Variants in TRERF1 observed in about 807,000 individuals in gnomAD.
TRERF1 encodes transcriptional regulating factor 1.
Under a neutral mutation model 122.9 loss-of-function variants are expected in TRERF1, and 27 were observed. The observed-to-expected ratio is 0.22, with a 90% CI of 0.16 to 0.30. The LOEUF is 0.30. TRERF1 is among the 10% of genes least tolerant of loss of function. The pLI, the probability that TRERF1 is intolerant of heterozygous loss-of-function variation, is 1.00. For synonymous variants in TRERF1, 636 were observed against 641.7 expected (o/e 0.99, Z 0.13); for missense variants, 1,248 against 1,560.3 (o/e 0.80, Z 3.37).
intron 3 of TRERF1, among the ~76,000 whole-genome samples, chr6:42,301,347 A>G (rs1279764761): frequency 6.6e-6 from 1 of 152,158 alleles, no homozygotes. Context: ...CTCCTGCCTC[A>G]GCCTCCCAAG....
At position 42,305,363 on chromosome 6, in the gene TRERF1, C is replaced by T. The variant is rs1054627777; in HGVS notation, c.-370-4614G>A. Among the ~76,000 whole-genome samples the T allele has an allele frequency of 7.2e-5, 11 of 152,316 alleles. No individual in the cohort carries two copies. In the East Asian group the frequency reaches 2.1e-3, roughly 29 times the overall value. On this transcript the variant is annotated intron_variant, in intron 3 of 17. Transcript: ENST00000372922. ...CAAGGCCAGAATCTTCCCACAGCCCCACGCTGCTATCAGAACCTCAGTTTC... is the reference window on the plus strand; with the variant it reads ...CAAGGCCAGAATCTTCCCACAGCCCTACGCTGCTATCAGAACCTCAGTTTC...
intron 3 of TRERF1, among the ~76,000 whole-genome samples, chr6:42,316,581 A>G (rs1432035651): frequency 6.6e-6 from 1 of 152,208 alleles, no homozygotes; most frequent in African/African-American, 2.4e-5. Flanking sequence ...CTCTAGCCTC[A>G]CAAGCCAGCT....
At chr6:42,348,077 G>T (rs1202577599) in intron 3 of TRERF1, among the ~76,000 whole-genome samples, 1 of 152,186 alleles carries the variant, frequency 6.6e-6, no homozygotes, top group Admixed American at 6.5e-5. Flanking sequence ...AGTTACACTG[G>T]AATAGAAAGA....
intron 4 of TRERF1, among the ~76,000 whole-genome samples, chr6:42,287,253 T>C (rs1206785292): frequency 1.5e-4 from 23 of 149,154 alleles, no homozygotes; most frequent in Non-Finnish European, 7.4e-5. Flanking sequence ...GTAACTAACC[T>C]GCACAATGTG....
intron 4 of TRERF1, among the ~76,000 whole-genome samples, chr6:42,284,604 A>G (rs960726499): frequency 6.6e-6 from 1 of 152,228 alleles, no homozygotes; most frequent in Non-Finnish European, 1.5e-5. Context: ...CATAATTACA[A>G]TAACAAGGAC....
chr6:42,237,835 CCTCA>C (rs1464288843), intron 15 of TRERF1, among the ~76,000 whole-genome samples: 13 of 152,120 alleles, frequency 8.5e-5, no homozygotes, highest in African/African-American at 3.1e-4. Flanking sequence ...TTTAGTAGCC[CCTCA>C]CTGTTTCAGT....
rs1158978694 is a variant in TRERF1 at position 42,259,596 on chromosome 6, G to A, written c.2012C>T (p.Pro671Leu). Residue 671 changes from proline to leucine, a missense_variant, in exon 9 of 18, where the codon CCG becomes CTG. By Grantham distance (98) the Pro-to-Leu change is moderately conservative (BLOSUM62 -3). Around this residue, in one of 5 missense-constraint regions of TRERF1, gnomAD observed 946 missense variants for 1,073.0 expected, o/e 0.88. Coordinates refer to ENST00000372922, the Ensembl canonical transcript of TRERF1. The surrounding 1 kb of genome is among the most constrained non-coding windows in gnomAD (Gnocchi z 4.9). ...GCCCGAGTAGGAGGCAGCGGGGTTC[G>A]GGTTGTAGGAGGGCGGCGGCGGGAT... is the stretch of plus-strand genomic sequence containing the variant. The A allele has an allele frequency of 1.2e-6, 2 of 1,613,794 alleles. No homozygotes were observed. Among genetic ancestry groups the A allele is most frequent in the Admixed American group, 1.7e-5 (1 of 60,004 alleles).
chr6:42,441,604 A>G (rs1229372039), intron 2 of TRERF1, among the ~76,000 whole-genome samples: 1 of 152,182 alleles, frequency 6.6e-6, no homozygotes, highest in Non-Finnish European at 1.5e-5. Context: ...TGGGCCTGGT[A>G]GCAGAGAAGC....
At chr6:42,272,047 C>T (rs1780309151) in intron 4 of TRERF1, among the ~76,000 whole-genome samples, 1 of 152,118 alleles carries the variant, frequency 6.6e-6, no homozygotes, top group African/African-American at 2.4e-5. Context: ...AAATTTAAAA[C>T]AGTGATGTAA....
chr6:42,293,695 C>A (rs1484560706), intron 4 of TRERF1, among the ~76,000 whole-genome samples: 1 of 151,970 alleles, frequency 6.6e-6, no homozygotes, highest in Non-Finnish European at 1.5e-5. Context: ...GAAATCTAAA[C>A]ATTTTCAGAT....
At chr6:42,378,409 T>G (rs1414904869) in intron 2 of TRERF1, among the ~76,000 whole-genome samples, 1 of 152,170 alleles carries the variant, frequency 6.6e-6, no homozygotes, top group Non-Finnish European at 1.5e-5. Context: ...AACCCACATT[T>G]ACTAAAGTAA....
chr6:42,374,456 G>T (rs1774442654), intron 2 of TRERF1, among the ~76,000 whole-genome samples: 1 of 152,186 alleles, frequency 6.6e-6, no homozygotes, highest in Non-Finnish European at 1.5e-5. Flanking sequence ...CCGAGGGGAG[G>T]TAATAGCTTC....
intron 2 of TRERF1, among the ~76,000 whole-genome samples, chr6:42,418,616 G>A (rs1366886024): frequency 6.6e-6 from 1 of 151,968 alleles, no homozygotes; most frequent in Non-Finnish European, 1.5e-5. Flanking sequence ...GCTGGTGCAG[G>A]GACTGTGCTT....
intron 3 of TRERF1, among the ~76,000 whole-genome samples, chr6:42,356,170 C>G (rs1253961062): frequency 6.6e-6 from 1 of 152,208 alleles, no homozygotes; most frequent in Non-Finnish European, 1.5e-5. Flanking sequence ...CGCTCTAAGG[C>G]TTTCTGTACT....
chr6:42,425,358 A>ACCCC (rs1226855402), intron 2 of TRERF1, among the ~76,000 whole-genome samples: 1 of 149,654 alleles, frequency 6.7e-6, no homozygotes, highest in Non-Finnish European at 1.5e-5. Context: ...ACAGCCCCCA[A>ACCCC]CCAACCCCCT....
intron 2 of TRERF1, among the ~76,000 whole-genome samples, chr6:42,394,352 G>T (rs1362523387): frequency 6.6e-6 from 1 of 152,204 alleles, no homozygotes; most frequent in Non-Finnish European, 1.5e-5. Flanking sequence ...CCACCTTGGT[G>T]GGGGACAAGG....
rs563906350 is a variant in TRERF1, at chr6:42,263,653, G to C, written c.1636-85C>G. On this transcript the variant is annotated intron_variant, in intron 7 of 17. Coordinates refer to ENST00000372922, the Ensembl canonical transcript of TRERF1. The surrounding 1 kb of genome is among the most constrained non-coding windows in gnomAD (Gnocchi z 5.6). ...ACTTTGCTTTTCCCGAAAGGTTCCA[G>C]GACATCAGGTATGGGTGATAGAGAA... The C allele has an allele frequency of 3.6e-5, 50 of 1,400,858 alleles. No homozygotes were observed. The highest frequency in any genetic ancestry group is 1.1e-4 in the Admixed American group (4 of 37,006). 86.8% of individuals were successfully genotyped at this position (1,400,858 alleles called of 1,614,324 possible). A position where few individuals can be genotyped will look rare whatever the true frequency, so the allele number is the denominator to read the frequency against.
intron 4 of TRERF1, among the ~76,000 whole-genome samples, chr6:42,287,091 A>G (rs56331719): frequency 0.02 from 2,842 of 144,512 alleles, 94 homozygotes; most frequent in East Asian, 0.094. Context: ...GAATTGAACA[A>G]TGAGATCACA....
At chr6:42,226,449 A>G (rs892747409) in exon 18 of TRERF1, 3 of 152,232 alleles carry the variant, frequency 2.0e-5, no homozygotes, top group African/African-American at 7.2e-5. Context: ...TTCGGCCACA[A>G]AGTTGATGCA....
Sources: gnomAD v4.1 joint callset for allele counts (sites outside exome capture counted in the v4.1 genomes callset) on GRCh38, gnomAD v4.1.1 for gene constraint, gnomAD v4.1.1 regional missense constraint, Gnocchi (gnomAD v3.1) non-coding constraint, MANE v1.5 for transcripts, NCBI Gene and HGNC (gene_info 2026-07-23, HGNC 2026-07-21) for gene names.